Variants in POFUT2 observed in about 807,000 individuals in gnomAD.
The protein encoded by POFUT2 is protein O-fucosyltransferase 2, also known as GDP-fucose protein O-fucosyltransferase 2.
In POFUT2, 30 loss-of-function variants were observed where a neutral mutation model predicts 55.0. The observed-to-expected ratio is 0.55, with a 90% CI of 0.41 to 0.74. POFUT2 has a LOEUF of 0.74. Among genes scored for constraint, POFUT2 ranks in the 30% least tolerant of loss-of-function variants. The pLI is 0.00. For missense variants in POFUT2, 524 were observed against 562.6 expected (o/e 0.93, Z 0.69); for synonymous variants, 267 against 231.1 (o/e 1.16, Z -1.41).
rs755789626 is a variant in POFUT2, at chr21:45,282,332, G to C, written c.638+17C>G. The stretch of plus-strand genomic sequence containing the variant: ...CCACAGCCTCCAGGCTGCTCCCGGG[G>C]GGCCTGGGGCACTCACCGGGCTGAT... On this transcript the variant is annotated intron_variant, in intron 4 of 8. Transcript: ENST00000349485. This position sits in a 1 kb window ranked among gnomAD's most constrained non-coding sequence, Gnocchi z 4.6. 7.0e-5 allele frequency: 108 copies of C among 1,534,078 alleles called. No individual in the cohort carries two copies. Among genetic ancestry groups the C allele is most frequent in the Non-Finnish European group, 9.5e-5 (105 of 1,108,434 alleles).
Position 45,282,513 on chromosome 21 carries a change from A to G in POFUT2, c.528-54T>C, listed in dbSNP as rs2030807606. 2 of 1,084,898 alleles carry G rather than the reference A, an allele frequency of 1.8e-6. No homozygotes were observed. Among genetic ancestry groups the G allele is most frequent in the African/African-American group, 1.5e-5 (1 of 64,772 alleles). The allele number at this position is 1,084,898 out of a possible 1,614,324, so 67.2% of individuals were successfully genotyped here. A position where few individuals can be genotyped will look rare whatever the true frequency, so the allele number is the denominator to read the frequency against. On this transcript the variant is annotated intron_variant, in intron 3 of 8. Coordinates refer to ENST00000349485, the MANE Select transcript of POFUT2 (RefSeq NM_133635.6). This position sits in a 1 kb window ranked among gnomAD's most constrained non-coding sequence, Gnocchi z 4.6. ...TCAGTTTATTTTGCTTTCACAAGGAAAACAAATCAAGTCTAGACACGCACA... is the reference window on the plus strand; with the variant it reads ...TCAGTTTATTTTGCTTTCACAAGGAGAACAAATCAAGTCTAGACACGCACA...
chr21:45,267,244 C>T lies in POFUT2; in HGVS notation c.1136+346G>A, dbSNP rs2093164216. 2 of 1,429,306 alleles carry T rather than the reference C, an allele frequency of 1.4e-6. No homozygotes were observed. The highest frequency in any genetic ancestry group is 1.8e-6 in the Non-Finnish European group (2 of 1,097,412). The allele number at this position is 1,429,306 out of a possible 1,614,324, so 88.5% of individuals were successfully genotyped here. ...CACAGCAACAAGGACATGCCCAAGT[C>T]CAGGGCACGGGCAACTCTCAGGGCA... On this transcript the variant is annotated intron_variant, in intron 8 of 8. Transcript: ENST00000349485. The surrounding 1 kb of genome is among the most constrained non-coding windows in gnomAD (Gnocchi z 4.4).
chr21:45,278,962 T>A (rs1258357133), intron 4 of POFUT2, among the ~76,000 whole-genome samples: 1 of 151,950 alleles, frequency 6.6e-6, no homozygotes, highest in East Asian at 1.9e-4. Context: ...GCCAACCGTC[T>A]CACCAAACTC....
In POFUT2 at chr21:45,267,569, GACAGTGACGTGGGCAGGC is replaced by G. The variant is rs1326810038; in HGVS notation, c.1136+3_1136+20del. 1.2e-6 allele frequency: 2 copies of G among 1,614,030 alleles called. No homozygotes were observed. Among genetic ancestry groups the G allele is most frequent in the African/African-American group, 2.7e-5 (2 of 74,932 alleles). ...AAAGCCACCCGACCCGCTCTCGGCC[GACAGTGACGTGGGCAGGC>G]ACCTGGCGTGTGCGCAGATCCACTG... On this transcript the variant is annotated splice_donor_5th_base_variant and intron_variant, in intron 8 of 8. Transcript: ENST00000349485. This position sits in a 1 kb window ranked among gnomAD's most constrained non-coding sequence, Gnocchi z 4.4.
rs375832408 is a variant in POFUT2, at chr21:45,265,134, A to C, written c.*348T>G. The stretch of plus-strand genomic sequence containing the variant: ...TATCCTCAATGCACTTAAAATATGA[A>C]GACATGAAAGGTGGCTGGAAAGGCC... On this transcript the variant is annotated 3_prime_UTR_variant, in exon 9 of 9. Transcript: ENST00000349485. The surrounding 1 kb of genome is among the most constrained non-coding windows in gnomAD (Gnocchi z 4.6). 5.0e-6 allele frequency: 1 copy of C among 200,264 alleles called. No individual in the cohort carries two copies. Among genetic ancestry groups the C allele is most frequent in the African/African-American group, 2.3e-5 (1 of 43,358 alleles). 12.4% of individuals were successfully genotyped at this position (200,264 alleles called of 1,614,324 possible).
chr21:45,266,542 C>T, intron 8 of POFUT2: 1 of 1,077,948 alleles, frequency 9.3e-7, no homozygotes, highest in Middle Eastern at 4.5e-4. Flanking sequence ...AGGTCGCAGT[C>T]AAAATCCCAA....
rs1283606949 is a variant in POFUT2 at position 45,267,548 on chromosome 21, C to T, written c.1136+42G>A. 3 of 1,614,184 alleles carry T rather than the reference C, an allele frequency of 1.9e-6. No homozygotes were observed. The East Asian group carries it at 6.7e-5, about 36-fold the overall frequency. Reference sequence around the variant, plus strand: ...CTTGGGACAGAAGAACCTTTGAAAGCCACCCGACCCGCTCTCGGCCGACAG... The same window carrying T: ...CTTGGGACAGAAGAACCTTTGAAAGTCACCCGACCCGCTCTCGGCCGACAG... On this transcript the variant is annotated intron_variant, in intron 8 of 8. Coordinates refer to ENST00000349485, the MANE Select transcript of POFUT2 (RefSeq NM_133635.6). The surrounding 1 kb of genome is among the most constrained non-coding windows in gnomAD (Gnocchi z 4.4).
At position 45,266,372 on chromosome 21, in the gene POFUT2, C is replaced by T; in HGVS notation, c.1137-737G>A. ...ACTGGTGGGGAGACCCTCACCACCC[C>T]ACACACAGGGGCCTGCCAGAGCAGG... On this transcript the variant is annotated intron_variant, in intron 8 of 8. Transcript: ENST00000349485. 2.4e-6 allele frequency: 3 copies of T among 1,269,702 alleles called. No homozygotes were observed. In the South Asian group the frequency reaches 4.0e-5, roughly 17 times the overall value. 78.7% of individuals were successfully genotyped at this position (1,269,702 alleles called of 1,614,324 possible).
chr21:45,283,200 C>CG (rs977751711), intron 3 of POFUT2, among the ~76,000 whole-genome samples, 183 bp downstream of exon 3: 2 of 121,008 alleles, frequency 1.7e-5, no homozygotes, highest in East Asian at 2.7e-4. Context: ...CGGTTGCGGC[C>CG]GGGGGGAGTG....
rs1191487559 is a variant in POFUT2 at position 45,282,286 on chromosome 21, C to G, written c.638+63G>C. On this transcript the variant is annotated intron_variant, in intron 4 of 8. Coordinates refer to ENST00000349485, the MANE Select transcript of POFUT2 (RefSeq NM_133635.6). This position sits in a 1 kb window ranked among gnomAD's most constrained non-coding sequence, Gnocchi z 4.6. Reference sequence around the variant, plus strand: ...GGAGTATGGGCGGAGAGCCCCCAGCCCAGCATGCACGGAGCAGACGCCACA... The same window carrying G: ...GGAGTATGGGCGGAGAGCCCCCAGCGCAGCATGCACGGAGCAGACGCCACA... 1 of 1,070,066 alleles carries G rather than the reference C, an allele frequency of 9.3e-7. No homozygotes were observed. Among genetic ancestry groups the G allele is most frequent in the Non-Finnish European group, 1.4e-6 (1 of 695,394 alleles). 66.3% of individuals were successfully genotyped at this position (1,070,066 alleles called of 1,614,324 possible).
chr21:45,279,061 G>C (rs2030203814), intron 4 of POFUT2, among the ~76,000 whole-genome samples: 1 of 152,160 alleles, frequency 6.6e-6, no homozygotes, highest in South Asian at 2.1e-4. Flanking sequence ...GTAAAGGCTG[G>C]AATACAAAAA....
rs2031498251 is a variant in POFUT2, at chr21:45,287,074, G to A, written c.131+667C>T. 2.0e-5 allele frequency among the ~76,000 whole-genome samples: 3 copies of A among 151,826 alleles called. No individual in the cohort carries two copies. In the East Asian group the frequency reaches 5.9e-4, roughly 30 times the overall value. On this transcript the variant is annotated intron_variant, in intron 1 of 8. Coordinates refer to ENST00000349485, the MANE Select transcript of POFUT2 (RefSeq NM_133635.6). ...CTCCCGAGGCTGCGCCCCGGGCCTC[G>A]CAGACGACCCCGCCTGCAGACCCGG...
rs2146721398 is a variant in POFUT2 at position 45,287,785 on chromosome 21, T to C, written c.87A>G (p.Gly29=). ...CCGACAGAATATCGGCCGCCGATTG[T>C]CCGGGCCAGAACTCCTGGCCGGAGG... ...ASASGQEFWP[G]QSAADILSGA... Residue 29 remains glycine (G), a synonymous_variant, in exon 1 of 9, where the codon GGA becomes GGG. Transcript: ENST00000349485. 6.7e-7 allele frequency: 1 copy of C among 1,491,900 alleles called. No homozygotes were observed. The highest frequency in any genetic ancestry group is 9.0e-7 in the Non-Finnish European group (1 of 1,114,912). The allele number at this position is 1,491,900 out of a possible 1,614,324, so 92.4% of individuals were successfully genotyped here. A position where few individuals can be genotyped will look rare whatever the true frequency, so the allele number is the denominator to read the frequency against.
In POFUT2 at chr21:45,287,877, C is replaced by G. The variant is rs370576674; in HGVS notation, c.-6G>C. ...ACGAAGCTGAGTGTCGCCATGGCCCCGGGCGGCCACGCACTTCCGGCGGCC... is the reference window on the plus strand; with the variant it reads ...ACGAAGCTGAGTGTCGCCATGGCCCGGGGCGGCCACGCACTTCCGGCGGCC... On this transcript the variant is annotated 5_prime_UTR_variant, in exon 1 of 9. Transcript: ENST00000349485. The G allele has an allele frequency of 2.0e-4, 270 of 1,336,508 alleles. 2 individuals carry two copies. In the African/African-American group the frequency reaches 3.6e-3, roughly 18 times the overall value. 82.8% of individuals were successfully genotyped at this position (1,336,508 alleles called of 1,614,324 possible).
At chr21:45,283,315 G>A (rs1416022840) in intron 3 of POFUT2, 68 bp downstream of exon 3, 15 of 804,392 alleles carry the variant, frequency 1.9e-5, no homozygotes, top group East Asian at 4.0e-5. Flanking sequence ...AGGCGGGGGG[G>A]GGGGGACGCA....
At chr21:45,276,738 G>A (rs905571097) in intron 6 of POFUT2, among the ~76,000 whole-genome samples, 2 of 152,122 alleles carry the variant, frequency 1.3e-5, no homozygotes, top group African/African-American at 2.4e-5. Flanking sequence ...CGCGCTCTGA[G>A]AACACCTTTG....
rs1180312316 is a variant in POFUT2 at position 45,277,337 on chromosome 21, G to A, written c.706-195C>T. ...GGAGGGTCTCCTGCATGAAGCCAAC[G>A]CAGGGCAAGCCGCCCACCCCTGCCG... is the stretch of plus-strand genomic sequence containing the variant. On this transcript the variant is annotated intron_variant, in intron 5 of 8. Transcript: ENST00000349485. The surrounding 1 kb of genome is among the most constrained non-coding windows in gnomAD (Gnocchi z 6.9). The A allele has an allele frequency of 5.3e-5, 36 of 683,266 alleles. No individual in the cohort carries two copies. The East Asian group carries it at 7.0e-4, about 13-fold the overall frequency. The allele number at this position is 683,266 out of a possible 1,614,324, so 42.3% of individuals were successfully genotyped here.
intron 7 of POFUT2, among the ~76,000 whole-genome samples, chr21:45,268,340 C>A (rs973035896): frequency 3.3e-5 from 5 of 152,300 alleles, no homozygotes; most frequent in African/African-American, 1.2e-4. Context: ...CTACAACCTA[C>A]ACCTCCCAGC....
Position 45,285,634 on chromosome 21 carries a change from C to T in POFUT2, c.382+44G>A. 6.2e-7 allele frequency: 1 copy of T among 1,611,794 alleles called. No individual in the cohort carries two copies. ...CTACCTTAGAAATGACTGCCTGGCC[C>T]CAGTTAAGCAACCACGGCCTCCCAG... On this transcript the variant is annotated intron_variant, in intron 2 of 8. Transcript: ENST00000349485. This position sits in a 1 kb window ranked among gnomAD's most constrained non-coding sequence, Gnocchi z 4.9.
Sources: gnomAD v4.1 joint callset for allele counts (sites outside exome capture counted in the v4.1 genomes callset) on GRCh38, gnomAD v4.1.1 for gene constraint, Gnocchi (gnomAD v3.1) non-coding constraint, MANE v1.5 for transcripts, NCBI Gene and HGNC (gene_info 2026-07-23, HGNC 2026-07-21) for gene names.